Variants in DAP3 observed in about 807,000 individuals in gnomAD.
DAP3 encodes death associated protein 3.
DAP3 carries 28 observed loss-of-function variants against 51.9 expected under a neutral mutation model. That is an observed-to-expected ratio of 0.54 (90% confidence interval 0.40 to 0.74). The LOEUF (loss-of-function observed/expected upper bound fraction) is 0.74, where lower values mean the gene tolerates loss of function less well. Ranked by LOEUF, DAP3 falls within the 30% of genes least tolerant of loss-of-function variation. DAP3 has a pLI of 0.00. For missense variants in DAP3, 458 were observed against 483.5 expected, an observed-to-expected ratio of 0.95 and a Z score of 0.49; for synonymous variants, 170 against 170.3, an observed-to-expected ratio of 1.00 and a Z score of 0.01.
upstream of DAP3, chr1:155,688,223 A>G (rs1652854290): frequency 1.2e-6 from 2 of 1,613,424 alleles, no homozygotes; most frequent in East Asian, 4.5e-5. Flanking sequence ...GCGAGAGAGG[A>G]GAAGGGAAAG....
chr1:155,731,333 C>CT, intron 9 of DAP3, 23 bp from the exon 10 acceptor site: 2 of 1,611,756 alleles, frequency 1.2e-6, no homozygotes, highest in Non-Finnish European at 1.7e-6. Context: ...ATGATCTCTT[C>CT]TCTCTTTCTG....
intron 4 of DAP3, among the ~76,000 whole-genome samples, chr1:155,724,681 G>T (rs538781891): frequency 6.6e-6 from 1 of 151,742 alleles, no homozygotes; most frequent in African/African-American, 2.4e-5. Flanking sequence ...TTTAGGCCAG[G>T]TGCAGTGGCT....
At position 155,698,937 on chromosome 1, in the gene DAP3, C is replaced by A. The variant is rs142892589; in HGVS notation, c.-8+9763C>A. 4.3e-3 allele frequency among the ~76,000 whole-genome samples: 649 copies of A among 152,294 alleles called. 4 individuals carry two copies. The highest frequency in any genetic ancestry group is 0.038 in the South Asian group (183 of 4,816). ...CCTCCATTTCACACGCTTGAGCATG[C>A]CTTCACTGGATTCTTTCGGGCCTCA... On this transcript the variant is annotated intron_variant, in intron 1 of 12. Transcript: ENST00000368336.
chr1:155,691,484 T>TGG (rs1653814416), intron 1 of DAP3, among the ~76,000 whole-genome samples: 1 of 142,268 alleles, frequency 7.0e-6, no homozygotes, highest in Non-Finnish European at 1.5e-5. Flanking sequence ...GTTATGTTTA[T>TGG]TCATCAATTG....
In DAP3 at chr1:155,738,290, TG is replaced by T. The variant is rs1481949233; in HGVS notation, c.*50del. 6.2e-7 allele frequency: 1 copy of T among 1,603,730 alleles called. No homozygotes were observed. Among genetic ancestry groups the T allele is most frequent in the Non-Finnish European group, 8.5e-7 (1 of 1,171,786 alleles). ...AAGACAGTGGACATCTGCTTTATGCTGGACCCAGTAAGATGAGGAAGTCGGG... is the reference window on the plus strand; with the variant it reads ...AAGACAGTGGACATCTGCTTTATGCTGACCCAGTAAGATGAGGAAGTCGGG... On this transcript the variant is annotated 3_prime_UTR_variant, in exon 13 of 13. Coordinates refer to ENST00000368336, the MANE Select transcript of DAP3 (RefSeq NM_004632.4).
intron 4 of DAP3, among the ~76,000 whole-genome samples, chr1:155,723,404 C>G (rs1282488729): frequency 6.6e-6 from 1 of 152,212 alleles, no homozygotes. Context: ...TCTCAGCTCA[C>G]TGCAACCTAC....
At chr1:155,705,485 C>T (rs916022968) in intron 1 of DAP3, among the ~76,000 whole-genome samples, 14 of 150,392 alleles carry the variant, frequency 9.3e-5, no homozygotes, top group Non-Finnish European at 1.8e-4. Flanking sequence ...CACCTATATT[C>T]CCAGCTACTT....
intron 1 of DAP3, among the ~76,000 whole-genome samples, chr1:155,704,287 A>T (rs886244871): frequency 3.9e-5 from 6 of 152,238 alleles, no homozygotes; most frequent in African/African-American, 1.4e-4. Flanking sequence ...GAAGCTGATT[A>T]CACGTTCTGA....
At chr1:155,699,889 T>C (rs1331660933) in intron 1 of DAP3, among the ~76,000 whole-genome samples, 1 of 152,190 alleles carries the variant, frequency 6.6e-6, no homozygotes, top group Admixed American at 6.5e-5. Flanking sequence ...GTGTGAGAAT[T>C]ACAGGTGTGA....
At chr1:155,689,283 G>T in intron 1 of DAP3, 109 bp downstream of exon 1, 1 of 645,990 alleles carries the variant, frequency 1.5e-6, no homozygotes, top group South Asian at 1.5e-5. Flanking sequence ...CCTCCGGGGG[G>T]GATTCCTCCC....
chr1:155,698,315 T>A (rs1250182774), intron 1 of DAP3, among the ~76,000 whole-genome samples: 2 of 152,192 alleles, frequency 1.3e-5, no homozygotes, highest in Non-Finnish European at 2.9e-5. Context: ...GTTCAGAGAT[T>A]ACAGTAAAGA....
At chr1:155,689,565 A>C (rs1475700341) in intron 1 of DAP3, 13 of 374,140 alleles carry the variant, frequency 3.5e-5, no homozygotes. Context: ...CCTTATCAAA[A>C]AGTGTACATA....
intron 10 of DAP3, 75 bp from the exon 11 acceptor site, chr1:155,731,869 A>G: frequency 1.4e-6 from 2 of 1,452,132 alleles, no homozygotes; most frequent in Non-Finnish European, 1.9e-6. Context: ...AAGAAAAAAA[A>G]AATCTACAGA....
intron 9 of DAP3, among the ~76,000 whole-genome samples, chr1:155,730,420 G>A (rs1309567507): frequency 6.6e-6 from 1 of 151,832 alleles, no homozygotes; most frequent in African/African-American, 2.4e-5. Flanking sequence ...AGGTCAGCCT[G>A]GGCAGCACAG....
chr1:155,717,511 G>C (rs1461017915), intron 3 of DAP3, among the ~76,000 whole-genome samples: 1 of 152,140 alleles, frequency 6.6e-6, no homozygotes, highest in African/African-American at 2.4e-5. Flanking sequence ...ACCATGTAGT[G>C]AATATTTCAG....
chr1:155,736,930 C>T lies in DAP3; in HGVS notation c.994-16C>T. 1 of 1,586,156 alleles carries T rather than the reference C, an allele frequency of 6.3e-7. No individual in the cohort carries two copies. Among genetic ancestry groups the T allele is most frequent in the Non-Finnish European group, 8.7e-7 (1 of 1,154,820 alleles). On this transcript the variant is annotated splice_polypyrimidine_tract_variant and intron_variant, in intron 11 of 12. Coordinates refer to ENST00000368336, the MANE Select transcript of DAP3 (RefSeq NM_004632.4). ...TTCCTTAACTAACATGTTTCCTGATCCTTTTTCTTCCCCAGGAAGGATTTG... is the reference window on the plus strand; with the variant it reads ...TTCCTTAACTAACATGTTTCCTGATTCTTTTTCTTCCCCAGGAAGGATTTG...
In DAP3 at chr1:155,699,415, G is replaced by A. The variant is rs555684813; in HGVS notation, c.-8+10241G>A. 3.3e-5 allele frequency among the ~76,000 whole-genome samples: 5 copies of A among 152,290 alleles called. No homozygotes were observed. The East Asian group carries it at 9.7e-4, about 29-fold the overall frequency. ...GCTCAGAGCATGGGAACATAATGGT[G>A]ATCAGAAGACTTTCCTCCTCAGAGT... On this transcript the variant is annotated intron_variant, in intron 1 of 12. Transcript: ENST00000368336.
chr1:155,733,405 T>G (rs1186904591), intron 11 of DAP3, among the ~76,000 whole-genome samples: 2 of 152,260 alleles, frequency 1.3e-5, no homozygotes, highest in Non-Finnish European at 2.9e-5. Context: ...CTACTGGTTT[T>G]AGTATCCATT....
intron 4 of DAP3, among the ~76,000 whole-genome samples, chr1:155,722,749 G>A (rs534761739): frequency 7.2e-5 from 11 of 152,280 alleles, no homozygotes; most frequent in Non-Finnish European, 1.0e-4. Context: ...AGTGAGCTAC[G>A]ATAGTGCCAC....
Sources: gnomAD v4.1 joint callset for allele counts (sites outside exome capture counted in the v4.1 genomes callset) on GRCh38, gnomAD v4.1.1 for gene constraint, MANE v1.5 for transcripts, NCBI Gene and HGNC (gene_info 2026-07-23, HGNC 2026-07-21) for gene names.